Variants in C10orf90 observed in about 807,000 individuals in gnomAD.
The protein encoded by C10orf90 is (E2-independent) E3 ubiquitin-conjugating enzyme FATS.
Under a neutral mutation model 62.5 loss-of-function variants are expected in C10orf90, and 56 were observed. That is an observed-to-expected ratio of 0.90 (90% CI 0.72 to 1.12). The LOEUF (loss-of-function observed/expected upper bound fraction) is 1.12. Ranked by LOEUF, C10orf90 falls within the 50% of genes most tolerant of loss-of-function variation. C10orf90 has a pLI of 0.00. For missense variants in C10orf90, 970 were observed against 880.4 expected, an observed-to-expected ratio of 1.10 and a Z score of -1.29; for synonymous variants, 386 against 340.4, an observed-to-expected ratio of 1.13 and a Z score of -1.47.
intron 8 of C10orf90, among the ~76,000 whole-genome samples, chr10:126,429,131 A>G (rs576749328): frequency 1.3e-5 from 2 of 152,202 alleles, no homozygotes; most frequent in Non-Finnish European, 2.9e-5. Flanking sequence ...AACTTGGCCA[A>G]TGCTGCTGAG....
At chr10:126,536,000 G>C (rs1461860630) in intron 2 of C10orf90, among the ~76,000 whole-genome samples, 1 of 152,142 alleles carries the variant, frequency 6.6e-6, no homozygotes, top group Non-Finnish European at 1.5e-5. Context: ...CACTTGTGTG[G>C]AACAAAGGCT....
At chr10:126,558,788 C>G (rs1489389718) in intron 2 of C10orf90, among the ~76,000 whole-genome samples, 1 of 152,204 alleles carries the variant, frequency 6.6e-6, no homozygotes, top group Non-Finnish European at 1.5e-5. Context: ...CTCTTCTTCC[C>G]CAACCAGAGT....
intron 2 of C10orf90, among the ~76,000 whole-genome samples, chr10:126,584,939 T>C (rs984214400): frequency 6.6e-6 from 1 of 151,938 alleles, no homozygotes; most frequent in African/African-American, 2.4e-5. Flanking sequence ...CACATACACA[T>C]GCACTACCCC....
At position 126,514,400 on chromosome 10, in the gene C10orf90, T is replaced by C. The variant is rs1300369938; in HGVS notation, c.314-461A>G. 2.6e-5 allele frequency among the ~76,000 whole-genome samples: 4 copies of C among 152,196 alleles called. No individual in the cohort carries two copies. The East Asian group carries it at 7.7e-4, about 29-fold the overall frequency. ...GACTCAGAAACTGATATGAACACTG[T>C]TTTAGACCCTCTGAGGATAATTTAG... On this transcript the variant is annotated intron_variant, in intron 2 of 9. Transcript: ENST00000488181.
At chr10:126,478,666 C>T (rs1270215545) in intron 4 of C10orf90, among the ~76,000 whole-genome samples, 1 of 151,992 alleles carries the variant, frequency 6.6e-6, no homozygotes, top group African/African-American at 2.4e-5. Context: ...AAGATTGATG[C>T]GAGTTAGGGG....
At chr10:126,465,085 G>A (rs552684926) in intron 4 of C10orf90, 99 bp from the exon 5 acceptor site, 19 of 1,301,024 alleles carry the variant, frequency 1.5e-5, no homozygotes, top group South Asian at 8.4e-5. Flanking sequence ...ACAGACTTGG[G>A]GGGGAGTACA....
chr10:126,561,575 A>T (rs1864899388), intron 2 of C10orf90, among the ~76,000 whole-genome samples: 1 of 152,110 alleles, frequency 6.6e-6, no homozygotes, highest in Non-Finnish European at 1.5e-5. Flanking sequence ...ACGAAAGCAG[A>T]TTTTCACTCT....
chr10:126,625,066 T>C (rs1380760876), intron 2 of C10orf90, among the ~76,000 whole-genome samples: 2 of 152,216 alleles, frequency 1.3e-5, no homozygotes, highest in Non-Finnish European at 2.9e-5. Context: ...TGCAGGGAGC[T>C]GAGGGTGCTG....
At chr10:126,477,798 A>C (rs1860968934) in intron 4 of C10orf90, among the ~76,000 whole-genome samples, 1 of 152,194 alleles carries the variant, frequency 6.6e-6, no homozygotes, top group African/African-American at 2.4e-5. Flanking sequence ...CCATACATAC[A>C]ATCTCTGCAT....
chr10:126,522,045 G>T, intron 2 of C10orf90, among the ~76,000 whole-genome samples: 1 of 152,084 alleles, frequency 6.6e-6, no homozygotes, highest in East Asian at 1.9e-4. Context: ...AAGGTGGGTG[G>T]ATCCCCTAAG....
chr10:126,603,111 G>A (rs967990321), intron 2 of C10orf90, among the ~76,000 whole-genome samples: 1 of 152,080 alleles, frequency 6.6e-6, no homozygotes, highest in Non-Finnish European at 1.5e-5. Context: ...GAGAGTTCCA[G>A]TCTGGAGGTG....
At position 126,449,715 on chromosome 10, in the gene C10orf90, G is replaced by A. The variant is rs565704186; in HGVS notation, c.2188+9325C>T. ...AAATCAACATACAAAAATCAGTAGCGGGGCCAGGCGCGATGGCTCATGCCT... is the reference window on the plus strand; with the variant it reads ...AAATCAACATACAAAAATCAGTAGCAGGGCCAGGCGCGATGGCTCATGCCT... On this transcript the variant is annotated intron_variant, in intron 7 of 9. Coordinates refer to ENST00000488181, the MANE Select transcript of C10orf90 (RefSeq NM_001350921.2). Among the ~76,000 whole-genome samples the A allele has an allele frequency of 1.2e-3, 175 of 152,090 alleles. 8 individuals are homozygous for A. The highest frequency in any genetic ancestry group is 8.9e-3 in the South Asian group (43 of 4,814).
intron 3 of C10orf90, among the ~76,000 whole-genome samples, chr10:126,508,165 G>GAGAGAGAGAGAA (rs1554903858): frequency 4.7e-5 from 7 of 149,136 alleles, no homozygotes; most frequent in Non-Finnish European, 8.9e-5. Flanking sequence ...GAGTGAGAGA[G>GAGAGAGAGAGAA]AGAGAGAGAG....
chr10:126,598,851 T>C (rs1350169401), intron 2 of C10orf90, among the ~76,000 whole-genome samples: 2 of 152,316 alleles, frequency 1.3e-5, no homozygotes, highest in Non-Finnish European at 2.9e-5. Flanking sequence ...TCAGGCTGAC[T>C]GTGCTTTTTT....
chr10:126,569,423 C>A (rs1200964685), intron 2 of C10orf90, among the ~76,000 whole-genome samples: 1 of 152,102 alleles, frequency 6.6e-6, no homozygotes, highest in Non-Finnish European at 1.5e-5. Context: ...CAACTCACCC[C>A]AACACTTTAT....
At chr10:126,519,099 GA>G (rs1863603893) in intron 2 of C10orf90, among the ~76,000 whole-genome samples, 1 of 152,174 alleles carries the variant, frequency 6.6e-6, no homozygotes, top group African/African-American at 2.4e-5. Context: ...AGGGAACCAG[GA>G]AAAGTTGGTG....
At chr10:126,666,027 T>A (rs1304973276) in intron 1 of C10orf90, among the ~76,000 whole-genome samples, 1 of 152,190 alleles carries the variant, frequency 6.6e-6, no homozygotes, top group Non-Finnish European at 1.5e-5. Flanking sequence ...ACATGAGACA[T>A]CAGGTAGAGT....
intron 4 of C10orf90, among the ~76,000 whole-genome samples, chr10:126,493,518 G>T (rs983445701): frequency 6.6e-6 from 1 of 151,988 alleles, no homozygotes; most frequent in African/African-American, 2.4e-5. Flanking sequence ...CTGCCACCAC[G>T]CCTAGTTTTT....
chr10:126,602,198 A>G (rs1845211670), intron 2 of C10orf90, among the ~76,000 whole-genome samples: 2 of 152,184 alleles, frequency 1.3e-5, no homozygotes, highest in African/African-American at 4.8e-5. Flanking sequence ...GCGAGCTATT[A>G]TACTGTAATC....
Sources: gnomAD v4.1 joint callset for allele counts (sites outside exome capture counted in the v4.1 genomes callset) on GRCh38, gnomAD v4.1.1 for gene constraint, MANE v1.5 for transcripts, NCBI Gene and HGNC (gene_info 2026-07-23, HGNC 2026-07-21) for gene names.